The following HIP1 variants were observed in gnomAD, a reference collection of about 807,000 sequenced individuals.
The protein encoded by HIP1 is huntingtin interacting protein 1, also known as huntingtin-interacting protein 1.
A neutral mutation model predicts 147.6 loss-of-function variants in HIP1; 65 were observed. That is an observed-to-expected ratio of 0.44 (90% confidence interval 0.36 to 0.54). HIP1 has a LOEUF of 0.54. Among genes scored for constraint, HIP1 ranks in the 20% least tolerant of loss-of-function variants. The pLI, the probability that HIP1 is intolerant of heterozygous loss-of-function variation, is 0.00. For synonymous variants in HIP1, 479 were observed against 504.0 expected (o/e 0.95, Z 0.67); for missense variants, 1,061 against 1,299.6 (o/e 0.82, Z 2.82).
chr7:75,584,429 C>T (rs1248152710), intron 5 of HIP1, among the ~76,000 whole-genome samples: 1 of 152,154 alleles, frequency 6.6e-6, no homozygotes, highest in Non-Finnish European at 1.5e-5. Context: ...AAGTCCTTTG[C>T]TCCTCCACAC....
rs1799820532 is a variant in HIP1 at position 75,674,372 on chromosome 7, G to A, written c.120+64429C>T. On this transcript the variant is annotated intron_variant, in intron 1 of 30. Transcript: ENST00000336926. ...TGGTAGATTTCCTTTATTTGGCTGA[G>A]GAATGTTAATTTCTCACTCATTTTT... Among the ~76,000 whole-genome samples, 4 of 152,234 alleles carry A rather than the reference G, an allele frequency of 2.6e-5. No homozygotes were observed. In the South Asian group the frequency reaches 8.3e-4, roughly 32 times the overall value.
chr7:75,650,453 C>T (rs868979670), intron 1 of HIP1, among the ~76,000 whole-genome samples: 33 of 126,518 alleles, frequency 2.6e-4, no homozygotes, highest in African/African-American at 5.2e-4. Flanking sequence ...GCCCAGTTAT[C>T]TTTTTTTTTT....
At chr7:75,694,818 T>C (rs1246433155) in intron 1 of HIP1, among the ~76,000 whole-genome samples, 1 of 151,966 alleles carries the variant, frequency 6.6e-6, no homozygotes, top group African/African-American at 2.4e-5. Context: ...CCTGGATTGC[T>C]TCTCTATCGC....
chr7:75,709,449 A>C (rs986477104), intron 1 of HIP1, among the ~76,000 whole-genome samples: 4 of 152,074 alleles, frequency 2.6e-5, no homozygotes, highest in Non-Finnish European at 4.4e-5. Context: ...TTGTAAATGA[A>C]ATTGTTTTCT....
At chr7:75,556,894 C>A in intron 16 of HIP1, 83 bp from the exon 17 acceptor site, 1 of 854,042 alleles carries the variant, frequency 1.2e-6, no homozygotes. Flanking sequence ...CCCAAGCGAT[C>A]AACAAGAGAT....
chr7:75,702,116 C>CTT (rs782732097), intron 1 of HIP1, among the ~76,000 whole-genome samples: 2 of 136,140 alleles, frequency 1.5e-5, no homozygotes, highest in African/African-American at 2.7e-5. Context: ...TTTTTTCTTT[C>CTT]TTTTTTTTTT....
At position 75,559,882 on chromosome 7, in the gene HIP1, C is replaced by T. The variant is rs146883124; in HGVS notation, c.1225G>A (p.Val409Ile). 1.1e-5 allele frequency: 17 copies of T among 1,609,702 alleles called. No individual in the cohort carries two copies. Among genetic ancestry groups the T allele is most frequent in the African/African-American group, 2.7e-5 (2 of 74,858 alleles). Reference sequence around the variant, plus strand: ...GCCAGATCTGCTTCCAGCTCGCTGACGTGGCCCTTCAGCTGCAGCACAACC... The same window carrying T: ...GCCAGATCTGCTTCCAGCTCGCTGATGTGGCCCTTCAGCTGCAGCACAACC... Reference protein sequence around the residue: ...QRVVLQLKGHVSELEADLAEQ... With the variant: ...QRVVLQLKGHISELEADLAEQ... The change falls in exon 14 of 31, where the codon GTC (valine) becomes ATC (isoleucine). Residue 409 changes from valine (V) to isoleucine (I), a missense_variant. Around this residue, in one of 3 missense-constraint regions of HIP1, gnomAD observed 810 missense variants for 946.8 expected, o/e 0.86. Coordinates refer to ENST00000336926, the MANE Select transcript of HIP1 (RefSeq NM_005338.7).
At chr7:75,616,085 CAAAA>C (rs71098042) in intron 1 of HIP1, among the ~76,000 whole-genome samples, 16 of 35,316 alleles carry the variant, frequency 4.5e-4, no homozygotes, top group Admixed American at 1.6e-3. Context: ...GACTCTGTCT[CAAAA>C]AAAAAAAAAA....
chr7:75,549,063 T>C (rs1305928062), intron 22 of HIP1, 62 bp from the exon 23 acceptor site: 1 of 1,188,704 alleles, frequency 8.4e-7, no homozygotes, highest in African/African-American at 1.5e-5. Context: ...TCCTCTGCCA[T>C]CTGTAACCCT....
chr7:75,638,578 C>T (rs2696215), intron 1 of HIP1, among the ~76,000 whole-genome samples: 104,058 of 151,996 alleles, frequency 0.68, 36,098 homozygotes, highest in African/African-American at 0.8. Context: ...GCCCCCTCAC[C>T]TCCTAGGATG....
At chr7:75,578,868 T>C (rs587627458) in intron 7 of HIP1, among the ~76,000 whole-genome samples, 2 of 151,816 alleles carry the variant, frequency 1.3e-5, no homozygotes, top group African/African-American at 4.8e-5. Flanking sequence ...CGGGCTGGAG[T>C]GCAGTGGTGT....
intron 1 of HIP1, among the ~76,000 whole-genome samples, chr7:75,621,493 C>A (rs1191215961): frequency 1.3e-5 from 2 of 152,170 alleles, no homozygotes; most frequent in Non-Finnish European, 2.9e-5. Flanking sequence ...TGGCCCCAAG[C>A]GATCCTCCTG....
At chr7:75,676,910 A>G (rs1253270948) in intron 1 of HIP1, among the ~76,000 whole-genome samples, 1 of 151,482 alleles carries the variant, frequency 6.6e-6, no homozygotes, top group Non-Finnish European at 1.5e-5. Context: ...TACGCAACAA[A>G]TGGGCCAAGT....
intron 27 of HIP1, among the ~76,000 whole-genome samples, chr7:75,544,172 C>CAAA (rs369891293): frequency 5.2e-5 from 5 of 96,612 alleles, no homozygotes; most frequent in Non-Finnish European, 6.4e-5. Flanking sequence ...GCTCTGTCTC[C>CAAA]AAAAAAAAAA....
intron 1 of HIP1, among the ~76,000 whole-genome samples, chr7:75,668,972 C>A (rs1554514925): frequency 1.3e-5 from 2 of 152,102 alleles, no homozygotes; most frequent in African/African-American, 4.8e-5. Flanking sequence ...AATCCCAGCA[C>A]TTTGGGAGGC....
intron 14 of HIP1, among the ~76,000 whole-genome samples, 192 bp downstream of exon 14, chr7:75,559,540 G>A (rs1554494069): frequency 2.0e-5 from 3 of 152,098 alleles, no homozygotes; most frequent in East Asian, 1.9e-4. Context: ...GCGGTGCCTC[G>A]CACACAGCTT....
intron 1 of HIP1, among the ~76,000 whole-genome samples, chr7:75,680,337 C>T (rs1329580125): frequency 6.6e-6 from 1 of 152,114 alleles, no homozygotes; most frequent in Admixed American, 6.6e-5. Flanking sequence ...GTTACAGCAC[C>T]TGGCCGAAAC....
At chr7:75,632,905 A>G (rs1798281595) in intron 1 of HIP1, among the ~76,000 whole-genome samples, 1 of 152,272 alleles carries the variant, frequency 6.6e-6, no homozygotes, top group Non-Finnish European at 1.5e-5. Flanking sequence ...ATGACACAGG[A>G]ACAGAAAACG....
intron 11 of HIP1, among the ~76,000 whole-genome samples, chr7:75,562,615 G>A (rs1386808361): frequency 1.1e-4 from 17 of 152,164 alleles, no homozygotes; most frequent in African/African-American, 4.1e-4. Flanking sequence ...TGGGACCACA[G>A]GTATGTGCCA....
Sources: gnomAD v4.1 joint callset for allele counts (sites outside exome capture counted in the v4.1 genomes callset) on GRCh38, gnomAD v4.1.1 for gene constraint, gnomAD v4.1.1 regional missense constraint, MANE v1.5 for transcripts, NCBI Gene and HGNC (gene_info 2026-07-23, HGNC 2026-07-21) for gene names.